The following KIF1A variants were observed in gnomAD, a reference collection of about 807,000 sequenced individuals.
KIF1A encodes kinesin-like protein KIF1A.
KIF1A carries 46 observed loss-of-function variants against 227.3 expected under a neutral mutation model. The observed-to-expected ratio is 0.20, with a 90% CI of 0.16 to 0.26. KIF1A has a LOEUF of 0.26. KIF1A is among the 10% of genes least tolerant of loss of function. The pLI, the probability that KIF1A is intolerant of heterozygous loss-of-function variation, is 1.00. For synonymous variants in KIF1A, 1,022 were observed against 1,012.8 expected (o/e 1.01, Z -0.17); for missense variants, 1,683 against 2,485.9 (o/e 0.68, Z 6.87).
At position 240,792,020 on chromosome 2, in the gene KIF1A, C is replaced by A. The variant is rs1329930000; in HGVS notation, c.107-2708G>T. Among the ~76,000 whole-genome samples the A allele has an allele frequency of 2.0e-5, 3 of 151,750 alleles. No homozygotes were observed. Among genetic ancestry groups the A allele is most frequent in the Non-Finnish European group, 4.4e-5 (3 of 67,874 alleles). ...TCTGGGAGCCCCACCCCACCCTGGC[C>A]CTGCCACCCCTCCCACACCCTGTGC... On this transcript the variant is annotated intron_variant, in intron 2 of 48. Coordinates refer to ENST00000498729, the MANE Select transcript of KIF1A (RefSeq NM_001244008.2). The surrounding 1 kb of genome is among the most constrained non-coding windows in gnomAD (Gnocchi z 4.5).
chr2:240,776,721 C>T (rs939246818), intron 10 of KIF1A, among the ~76,000 whole-genome samples: 2 of 152,218 alleles, frequency 1.3e-5, no homozygotes, highest in African/African-American at 4.8e-5. Flanking sequence ...ACCTGCTGGG[C>T]CGGCAGATGA....
At chr2:240,777,512 G>A (rs943572359) in intron 10 of KIF1A, among the ~76,000 whole-genome samples, 5 of 151,976 alleles carry the variant, frequency 3.3e-5, no homozygotes, top group African/African-American at 1.2e-4. Context: ...GTCGTGCTCT[G>A]CCATCTCCCA....
rs4676446 is a variant in KIF1A, at chr2:240,783,525, C to T, written c.798+214G>A. ...TGGGGCCCGAAAGAGGACACCGTCC[C>T]GCCAAACCCCTGACCTGTGTGCCCA... is the stretch of plus-strand genomic sequence containing the variant. On this transcript the variant is annotated intron_variant, in intron 8 of 48. Coordinates refer to ENST00000498729, the MANE Select transcript of KIF1A (RefSeq NM_001244008.2). Among the ~76,000 whole-genome samples, 33,756 of 152,162 alleles carry T rather than the reference C, an allele frequency of 0.22. 3,915 individuals are homozygous for T. The highest frequency in any genetic ancestry group is 0.34 in the East Asian group (1,731 of 5,142).
intron 33 of KIF1A, among the ~76,000 whole-genome samples, chr2:240,743,637 C>T (rs2048256838): frequency 6.6e-6 from 1 of 152,150 alleles, no homozygotes; most frequent in Admixed American, 6.5e-5. Context: ...CAGAAGTGGT[C>T]TCCCCGGGGC....
chr2:240,759,575 A>C (rs1297520052), intron 25 of KIF1A, among the ~76,000 whole-genome samples: 3 of 79,876 alleles, frequency 3.8e-5, no homozygotes, highest in African/African-American at 1.7e-4. Context: ...CCCTACTCCT[A>C]CTCCTCTCTG....
intron 1 of KIF1A, among the ~76,000 whole-genome samples, chr2:240,811,794 C>T (rs531211097): frequency 2.0e-5 from 3 of 152,114 alleles, no homozygotes; most frequent in South Asian, 2.1e-4. Flanking sequence ...AAGAAGATGC[C>T]GAGAAGCTGG....
chr2:240,769,502 G>A (rs1439569782), intron 16 of KIF1A, 125 bp downstream of exon 16: 10 of 769,152 alleles, frequency 1.3e-5, no homozygotes, highest in Middle Eastern at 3.5e-4. Flanking sequence ...CCCTGGGCTG[G>A]GATGTGGCCA....
Position 240,741,261 on chromosome 2 carries a change from G to A in KIF1A, c.3749+8C>T. On this transcript the variant is annotated splice_region_variant and intron_variant, in intron 35 of 48. Transcript: ENST00000498729. ...TCACGCCCTGGGGGCCCCAGCACCA[G>A]CACTCACTCGCCGTTGGCCTCCAGC... 1 of 1,571,220 alleles carries A rather than the reference G, an allele frequency of 6.4e-7. No homozygotes were observed.
In KIF1A at chr2:240,740,698, C is replaced by CCCT. The variant is rs2047856615; in HGVS notation, c.3750-335_3750-334insAGG. Among the ~76,000 whole-genome samples the CCCT allele has an allele frequency of 6.6e-6, 1 of 151,980 alleles. No individual in the cohort carries two copies. Among genetic ancestry groups the CCCT allele is most frequent in the Non-Finnish European group, 1.5e-5 (1 of 67,964 alleles). On this transcript the variant is annotated intron_variant, in intron 35 of 48. Transcript: ENST00000498729. This position sits in a 1 kb window ranked among gnomAD's most constrained non-coding sequence, Gnocchi z 6.1. ...TGCCCTGCAGATCCGCAACCCAAGG[C>CCCT]CAGAGGATCCAGAGGAAATCCCAGC...
intron 23 of KIF1A, 28 bp from the exon 24 acceptor site, chr2:240,761,405 C>T (rs866537069): frequency 9.7e-6 from 15 of 1,550,304 alleles, no homozygotes; most frequent in Middle Eastern, 1.7e-4. Flanking sequence ...ACGTGGTCAT[C>T]GCAGGAAGGC....
intron 1 of KIF1A, among the ~76,000 whole-genome samples, chr2:240,813,783 C>T (rs938754643): frequency 1.3e-5 from 2 of 152,212 alleles, no homozygotes; most frequent in Admixed American, 6.5e-5. Flanking sequence ...ATGCCTTCCT[C>T]GGGCGTGAGA....
chr2:240,779,617 C>T (rs886547850), intron 10 of KIF1A, among the ~76,000 whole-genome samples: 1 of 151,736 alleles, frequency 6.6e-6, no homozygotes, highest in Non-Finnish European at 1.5e-5. Context: ...CACAGTTCCT[C>T]ACTCAGTTCC....
At chr2:240,771,206 A>C (rs1320052478) in intron 14 of KIF1A, 102 bp from the exon 15 acceptor site, 2 of 1,379,126 alleles carry the variant, frequency 1.5e-6, no homozygotes, top group Non-Finnish European at 2.1e-6. Flanking sequence ...TAGGGCGGGC[A>C]GACAGACAGA....
intron 1 of KIF1A, among the ~76,000 whole-genome samples, chr2:240,811,617 G>A (rs576928281): frequency 2.6e-5 from 4 of 152,168 alleles, no homozygotes; most frequent in Non-Finnish European, 2.9e-5. Flanking sequence ...CTCAAAGACA[G>A]AGAGGGGCAC....
At chr2:240,807,257 T>C (rs1293736723) in intron 1 of KIF1A, among the ~76,000 whole-genome samples, 2 of 152,044 alleles carry the variant, frequency 1.3e-5, no homozygotes, top group East Asian at 3.9e-4. Flanking sequence ...GCGATTCTCC[T>C]GCCTCAGCCT....
chr2:240,745,419 G>A lies in KIF1A; in HGVS notation c.3465+8C>T, dbSNP rs368114596. ...GGCAGGGATGGGGAGAAGTGCCCAG[G>A]AACGTACGTTCTGGACGTGGTAGAA... On this transcript the variant is annotated splice_region_variant and intron_variant, in intron 32 of 48. Coordinates refer to ENST00000498729, the MANE Select transcript of KIF1A (RefSeq NM_001244008.2). 3 of 1,606,070 alleles carry A rather than the reference G, an allele frequency of 1.9e-6. No homozygotes were observed. The highest frequency in any genetic ancestry group is 1.3e-5 in the African/African-American group (1 of 74,764).
intron 23 of KIF1A, among the ~76,000 whole-genome samples, chr2:240,762,041 G>A (rs1228180047): frequency 2.0e-5 from 3 of 152,218 alleles, no homozygotes; most frequent in African/African-American, 4.8e-5. Flanking sequence ...TCCCAACACA[G>A]CACTACACGC....
At chr2:240,807,389 C>T (rs928764228) in intron 1 of KIF1A, among the ~76,000 whole-genome samples, 6 of 152,062 alleles carry the variant, frequency 3.9e-5, no homozygotes, top group Non-Finnish European at 7.4e-5. Flanking sequence ...ATGATCTGCC[C>T]GCGCTGGCCT....
intron 38 of KIF1A, chr2:240,728,445 C>T (rs1472088305): frequency 4.7e-6 from 6 of 1,283,022 alleles, no homozygotes; most frequent in Middle Eastern, 2.1e-4. Context: ...CACACACGTA[C>T]ACATACAGAA....
Sources: gnomAD v4.1 joint callset for allele counts (sites outside exome capture counted in the v4.1 genomes callset) on GRCh38, gnomAD v4.1.1 for gene constraint, Gnocchi (gnomAD v3.1) non-coding constraint, MANE v1.5 for transcripts, NCBI Gene and HGNC (gene_info 2026-07-23, HGNC 2026-07-21) for gene names.